PTPN9: variants seen among roughly 807,000 people sequenced by gnomAD.
PTPN9 encodes the protein protein tyrosine phosphatase non-receptor type 9, also known as tyrosine-protein phosphatase non-receptor type 9.
A neutral mutation model predicts 69.8 loss-of-function variants in PTPN9; 26 were observed. That is an observed-to-expected ratio of 0.37 (90% CI 0.27 to 0.52). The LOEUF (loss-of-function observed/expected upper bound fraction) is 0.52. Among genes scored for constraint, PTPN9 ranks in the 20% least tolerant of loss-of-function variants. The pLI, the probability that PTPN9 is intolerant of heterozygous loss-of-function variation, is 0.91. For synonymous variants in PTPN9, 274 were observed against 272.5 expected, an observed-to-expected ratio of 1.01 and a Z score of -0.05; for missense variants, 549 against 740.3, an observed-to-expected ratio of 0.74 and a Z score of 3.00.
At chr15:75,516,375 C>T (rs1366385874) in intron 5 of PTPN9, among the ~76,000 whole-genome samples, 1 of 148,182 alleles carries the variant, frequency 6.7e-6, no homozygotes, top group Non-Finnish European at 1.5e-5. Flanking sequence ...ACGATCTTGG[C>T]TCACTGCAAG....
intron 10 of PTPN9, among the ~76,000 whole-genome samples, chr15:75,472,083 AT>A (rs1010322241): frequency 6.6e-6 from 1 of 152,148 alleles, no homozygotes; most frequent in African/African-American, 2.4e-5. Context: ...ATTCACATTC[AT>A]TTTTTTCCTT....
At chr15:75,521,611 C>T (rs1031754249) in intron 4 of PTPN9, among the ~76,000 whole-genome samples, 1 of 150,912 alleles carries the variant, frequency 6.6e-6, no homozygotes, top group African/African-American at 2.4e-5. Context: ...TTTGGGAGGC[C>T]GAGATGGGAG....
At chr15:75,516,037 G>A (rs1397444924) in intron 5 of PTPN9, among the ~76,000 whole-genome samples, 1 of 151,944 alleles carries the variant, frequency 6.6e-6, no homozygotes, top group South Asian at 2.1e-4. Context: ...TATTTAAAAA[G>A]GCTCCTTAGT....
At chr15:75,480,883 C>G (rs1452749603) in intron 8 of PTPN9, 2 of 276,246 alleles carry the variant, frequency 7.2e-6, no homozygotes, top group Non-Finnish European at 1.3e-5. Context: ...AGCCTCTGCC[C>G]GGCTGCCACC....
Position 75,508,959 on chromosome 15 carries a change from A to G in PTPN9, c.597T>C (p.Tyr199=), listed in dbSNP as rs777019872. 6.2e-6 allele frequency: 10 copies of G among 1,614,058 alleles called. No homozygotes were observed. The East Asian group carries it at 2.0e-4, about 32-fold the overall frequency. ...CCTTCAGGAGGAGACTGATGATGGA[A>G]TAGGGCACTCGGAACCATATGGGTG... The part of the protein sequence containing the change: ...VGAPIWFRVP[Y]SIISLLLKDK... The change falls in exon 6 of 13, where the codon TAT becomes TAC. Residue 199 remains tyrosine, a synonymous_variant. Transcript: ENST00000618819.
At chr15:75,571,861 A>T (rs2075149861) in intron 1 of PTPN9, among the ~76,000 whole-genome samples, 1 of 152,160 alleles carries the variant, frequency 6.6e-6, no homozygotes, top group South Asian at 2.1e-4. Context: ...CTGGTGACAG[A>T]GCAAGACTCC....
chr15:75,491,790 G>C (rs2074712346), intron 7 of PTPN9, among the ~76,000 whole-genome samples: 1 of 152,156 alleles, frequency 6.6e-6, no homozygotes, highest in South Asian at 2.1e-4. Flanking sequence ...AAGAGAGAGA[G>C]GGAGAGAAGG....
chr15:75,480,444 A>C (rs570830093), intron 8 of PTPN9, among the ~76,000 whole-genome samples: 44 of 152,196 alleles, frequency 2.9e-4, no homozygotes, highest in African/African-American at 2.2e-4. Context: ...CTCTACTAAA[A>C]ATACAAAAAA....
chr15:75,547,038 G>A (rs897070324), intron 1 of PTPN9, among the ~76,000 whole-genome samples: 1 of 151,906 alleles, frequency 6.6e-6, no homozygotes, highest in Non-Finnish European at 1.5e-5. Flanking sequence ...GCTCATGCCT[G>A]TAATCCCAGC....
At chr15:75,564,773 A>G (rs1353737729) in intron 1 of PTPN9, among the ~76,000 whole-genome samples, 1 of 151,822 alleles carries the variant, frequency 6.6e-6, no homozygotes, top group Non-Finnish European at 1.5e-5. Context: ...CCTGGGCAAC[A>G]CAACAAGACC....
At chr15:75,474,678 T>C (rs1228978644) in intron 9 of PTPN9, among the ~76,000 whole-genome samples, 1 of 152,242 alleles carries the variant, frequency 6.6e-6, no homozygotes, top group African/African-American at 2.4e-5. Flanking sequence ...AGAGATTTTT[T>C]ACCTTTGAAA....
At chr15:75,527,946 G>A (rs1412266568) in intron 1 of PTPN9, among the ~76,000 whole-genome samples, 1 of 152,086 alleles carries the variant, frequency 6.6e-6, no homozygotes, top group Non-Finnish European at 1.5e-5. Flanking sequence ...GTGTAGTATA[G>A]CAGTCTCAGC....
rs905384338 is a variant in PTPN9 at position 75,470,641 on chromosome 15, CT to C, written c.1359+38del. The C allele has an allele frequency of 2.5e-6, 4 of 1,594,524 alleles. No individual in the cohort carries two copies. In the African/African-American group the frequency reaches 4.0e-5, roughly 16 times the overall value. On this transcript the variant is annotated intron_variant, in intron 11 of 12. Coordinates refer to ENST00000618819, the MANE Select transcript of PTPN9 (RefSeq NM_002833.4). ...TTTCATTACAGTAATTATTCTCCCC[CT>C]GTTTCAACAAGGTGAGAAAAAAGAA...
intron 9 of PTPN9, among the ~76,000 whole-genome samples, chr15:75,476,331 T>C (rs1047037933): frequency 6.6e-6 from 1 of 152,152 alleles, no homozygotes; most frequent in Admixed American, 6.5e-5. Flanking sequence ...TTTGTTTTTT[T>C]TGAGACCGAG....
intron 1 of PTPN9, among the ~76,000 whole-genome samples, chr15:75,571,895 T>TA (rs1392867438): frequency 6.6e-6 from 1 of 151,594 alleles, no homozygotes; most frequent in Non-Finnish European, 1.5e-5. Flanking sequence ...AAATAAAAAA[T>TA]AAAAATAAAA....
chr15:75,553,866 A>G (rs976374862), intron 1 of PTPN9, among the ~76,000 whole-genome samples: 10 of 152,112 alleles, frequency 6.6e-5, no homozygotes, highest in East Asian at 5.8e-4. Flanking sequence ...CATACTCAAG[A>G]AAGTAGGACT....
intron 8 of PTPN9, among the ~76,000 whole-genome samples, chr15:75,480,128 C>T (rs1382431487): frequency 6.6e-6 from 1 of 152,008 alleles, no homozygotes; most frequent in African/African-American, 2.4e-5. Flanking sequence ...TGACTCCTTC[C>T]TCACACTGTA....
intron 5 of PTPN9, among the ~76,000 whole-genome samples, chr15:75,510,723 A>G (rs937104563): frequency 2.0e-5 from 3 of 151,970 alleles, no homozygotes; most frequent in African/African-American, 4.8e-5. Flanking sequence ...TGTAAAATAT[A>G]CACAACAAAA....
intron 7 of PTPN9, among the ~76,000 whole-genome samples, chr15:75,501,061 G>T (rs2141305952): frequency 6.6e-6 from 1 of 151,898 alleles, no homozygotes; most frequent in East Asian, 1.9e-4. Context: ...ATTTTCCTTT[G>T]CATTCTTGAT....
Sources: allele counts gnomAD v4.1 joint callset (sites outside exome capture counted in the v4.1 genomes callset), GRCh38; gene constraint gnomAD v4.1.1; transcripts MANE v1.5; gene names NCBI Gene and HGNC (gene_info 2026-07-23, HGNC 2026-07-21).